Variants in SYCP2L observed in about 807,000 individuals in gnomAD.
The protein encoded by SYCP2L is synaptonemal complex protein 2-like.
Under a neutral mutation model 125.8 loss-of-function variants are expected in SYCP2L, and 98 were observed. That is an observed-to-expected ratio of 0.78 (90% confidence interval 0.66 to 0.92). The LOEUF (loss-of-function observed/expected upper bound fraction) is 0.92, where lower values mean the gene tolerates loss of function less well. Among genes scored for constraint, SYCP2L ranks in the 40% least tolerant of loss-of-function variants. The pLI, the probability that SYCP2L is intolerant of heterozygous loss-of-function variation, is 0.00. For missense variants in SYCP2L, 842 were observed against 936.4 expected (o/e 0.90, Z 1.32); for synonymous variants, 317 against 325.4 (o/e 0.97, Z 0.28).
Position 10,924,551 on chromosome 6 carries a change from C to G in SYCP2L, c.1128C>G (p.Ser376Arg), listed in dbSNP as rs1249931874. 9.4e-6 allele frequency: 15 copies of G among 1,601,764 alleles called. No homozygotes were observed. The highest frequency in any genetic ancestry group is 1.3e-5 in the Non-Finnish European group (15 of 1,176,532). Reference protein sequence around the residue: ...IIYLKKPMIISYKEVMKIEIH... With the variant: ...IIYLKKPMIIRYKEVMKIEIH... ...ACCTGAAGAAGCCCATGATTATCAG[C>G]TACAAAGAAGTCATGAAAATAGAAA... The change falls in exon 15 of 30, where the codon AGC (serine) becomes AGG (arginine). Residue 376 changes from serine to arginine, a missense_variant. By Grantham distance (110) the Ser-to-Arg change is moderately radical. Coordinates refer to ENST00000283141, the MANE Select transcript of SYCP2L (RefSeq NM_001040274.3).
In SYCP2L at chr6:10,927,146, G is replaced by T. The variant is rs897652352; in HGVS notation, c.1313-94G>T. ...AATTACCAGGTCTTACCAAAGGATGGAGAGGTACCAGAGGGGACATCCCAT... is the reference window on the plus strand; with the variant it reads ...AATTACCAGGTCTTACCAAAGGATGTAGAGGTACCAGAGGGGACATCCCAT... On this transcript the variant is annotated intron_variant, in intron 16 of 29. Coordinates refer to ENST00000283141, the MANE Select transcript of SYCP2L (RefSeq NM_001040274.3). 15 of 1,536,172 alleles carry T rather than the reference G, an allele frequency of 9.8e-6. No individual in the cohort carries two copies. The Admixed American group carries it at 1.8e-4, about 18-fold the overall frequency.
chr6:10,935,545 C>T (rs1025716162), intron 21 of SYCP2L, among the ~76,000 whole-genome samples: 2 of 151,732 alleles, frequency 1.3e-5, no homozygotes, highest in African/African-American at 2.4e-5. Context: ...TTTTTTTTGA[C>T]ACGGAGTCTT....
chr6:10,961,815 C>T (rs1781599002), intron 28 of SYCP2L, among the ~76,000 whole-genome samples: 1 of 151,990 alleles, frequency 6.6e-6, no homozygotes, highest in Non-Finnish European at 1.5e-5. Context: ...TATTTTTAAG[C>T]AGTATTTTTT....
chr6:10,890,061 G>GAA (rs1780148773), intron 1 of SYCP2L, among the ~76,000 whole-genome samples: 1 of 152,146 alleles, frequency 6.6e-6, no homozygotes, highest in Non-Finnish European at 1.5e-5. Flanking sequence ...TTTTCTGGCT[G>GAA]AAAAGTATTC....
intron 27 of SYCP2L, 23 bp downstream of exon 27, chr6:10,961,427 A>AT (rs767960351): frequency 1.9e-6 from 3 of 1,613,578 alleles, no homozygotes; most frequent in African/African-American, 1.3e-5. Context: ...TGTGTGGAAC[A>AT]TTTTCTGACT....
rs761667285 is a variant in SYCP2L, at chr6:10,902,686, A to T, written c.476A>T (p.Gln159Leu). Residue 159 changes from glutamine (Q) to leucine (L), a missense_variant, in exon 7 of 30, where the codon CAG becomes CTG. Gln to Leu is a moderately radical substitution (Grantham distance 113). Transcript: ENST00000283141. ...ISRSSSEGKI[Q>L]MLDSFLLSLG... ...GAAATTATACTTTCAGGGAAAATTC[A>T]GATGTTGGATTCCTTCCTACTTAGC... 5 of 1,613,096 alleles carry T rather than the reference A, an allele frequency of 3.1e-6. No individual in the cohort carries two copies. Among genetic ancestry groups the T allele is most frequent in the Non-Finnish European group, 4.2e-6 (5 of 1,179,564 alleles).
chr6:10,929,499 TTAATG>T (rs1194129718), intron 18 of SYCP2L, among the ~76,000 whole-genome samples: 11 of 152,214 alleles, frequency 7.2e-5, no homozygotes, highest in African/African-American at 2.4e-4. Flanking sequence ...TTTATGAAAA[TTAATG>T]TAAGAACAGA....
intron 23 of SYCP2L, among the ~76,000 whole-genome samples, chr6:10,953,352 A>C (rs187416638): frequency 6.1e-4 from 93 of 152,318 alleles, no homozygotes; most frequent in Non-Finnish European, 6.6e-4. Context: ...CTATTAATAA[A>C]GGCAGTTTCT....
Position 10,905,142 on chromosome 6 carries a change from C to CA in SYCP2L, c.642-854dup, listed in dbSNP as rs34659978. 8.3e-3 allele frequency among the ~76,000 whole-genome samples: 450 copies of CA among 54,432 alleles called. 12 individuals are homozygous for CA. The highest frequency in any genetic ancestry group is 0.017 in the East Asian group (28 of 1,660). 35.7% of individuals were successfully genotyped at this position (54,432 alleles called of 152,430 possible). A position where few individuals can be genotyped will look rare whatever the true frequency, so the allele number is the denominator to read the frequency against. ...TGGGTGACAGAGCCAGACTTGGTCT[C>CA]AAAAAAAAAAAAAAAAAAAAAAAAG... On this transcript the variant is annotated intron_variant, in intron 8 of 29. Coordinates refer to ENST00000283141, the MANE Select transcript of SYCP2L (RefSeq NM_001040274.3).
chr6:10,952,716 T>C (rs931184935), intron 23 of SYCP2L, among the ~76,000 whole-genome samples: 3 of 152,206 alleles, frequency 2.0e-5, no homozygotes, highest in African/African-American at 7.2e-5. Context: ...GACTGCGGTA[T>C]AGACACCACA....
chr6:10,905,352 G>A (rs1244087396), intron 8 of SYCP2L, among the ~76,000 whole-genome samples: 2 of 151,288 alleles, frequency 1.3e-5, no homozygotes, highest in Non-Finnish European at 2.9e-5. Flanking sequence ...GAGTGCAATG[G>A]CACGCTCTCG....
At chr6:10,967,499 TGAG>T (rs367939646) in intron 29 of SYCP2L, among the ~76,000 whole-genome samples, 1,476 of 80,390 alleles carry the variant, frequency 0.018, 22 homozygotes, top group African/African-American at 0.059. Flanking sequence ...GTGTGTGTAT[TGAG>T]GAGAAAAAAA....
At chr6:10,920,350 T>G (rs1340057096) in intron 14 of SYCP2L, among the ~76,000 whole-genome samples, 1 of 152,172 alleles carries the variant, frequency 6.6e-6, no homozygotes, top group Non-Finnish European at 1.5e-5. Flanking sequence ...CCTGAGTAGC[T>G]GGGATTACAG....
rs1267237115 is a variant in SYCP2L at position 10,954,455 on chromosome 6, G to A, written c.1955-661G>A. 2.6e-5 allele frequency among the ~76,000 whole-genome samples: 4 copies of A among 152,172 alleles called. No individual in the cohort carries two copies. The highest frequency in any genetic ancestry group is 9.7e-5 in the African/African-American group (4 of 41,448). On this transcript the variant is annotated intron_variant, in intron 23 of 29. Transcript: ENST00000283141. This position sits in a 1 kb window ranked among gnomAD's most constrained non-coding sequence, Gnocchi z 4.8. ...GCAGAACCTTGAGGATGGAGGAGAA[G>A]CGGGCAGCAAAGAAAAGGAGGAGTT...
rs1781544513 is a variant in SYCP2L, at chr6:10,958,641, T to G, written c.2164-143T>G. The G allele has an allele frequency of 9.8e-6, 7 of 716,490 alleles. No individual in the cohort carries two copies. The East Asian group carries it at 1.6e-4, about 17-fold the overall frequency. The allele number at this position is 716,490 out of a possible 1,614,324, so 44.4% of individuals were successfully genotyped here. A position where few individuals can be genotyped will look rare whatever the true frequency, so the allele number is the denominator to read the frequency against. ...GGTAATACCTGACAGGTGTATAGGA[T>G]GATGCCTGATCACACTTGCTTAGCA... On this transcript the variant is annotated intron_variant, in intron 25 of 29. Transcript: ENST00000283141.
At chr6:10,900,796 A>G (rs1028268287) in intron 6 of SYCP2L, among the ~76,000 whole-genome samples, 7 of 152,214 alleles carry the variant, frequency 4.6e-5, no homozygotes, top group African/African-American at 1.7e-4. Flanking sequence ...GGGGGGGGAC[A>G]CAGTCCCATC....
intron 29 of SYCP2L, among the ~76,000 whole-genome samples, chr6:10,968,621 C>G (rs1428025104): frequency 1.3e-5 from 2 of 152,102 alleles, no homozygotes; most frequent in Non-Finnish European, 2.9e-5. Context: ...CCAGAAGAGG[C>G]TGAGGATATT....
At chr6:10,930,320 G>A (rs200639625) in intron 18 of SYCP2L, 50 bp from the exon 19 acceptor site, 1 of 1,571,350 alleles carries the variant, frequency 6.4e-7, no homozygotes, top group Non-Finnish European at 8.6e-7. Flanking sequence ...TTATACATAA[G>A]AGGCACTAAC....
At chr6:10,942,628 T>C (rs200953050) in intron 22 of SYCP2L, 49 bp from the exon 23 acceptor site, 1,059 of 1,605,754 alleles carry the variant, frequency 6.6e-4, no homozygotes, top group Non-Finnish European at 8.8e-4. Flanking sequence ...ACCACTTGTT[T>C]CTTGCTTTGC....
Sources: allele counts gnomAD v4.1 joint callset (sites outside exome capture counted in the v4.1 genomes callset), GRCh38; gene constraint gnomAD v4.1.1; non-coding constraint Gnocchi (gnomAD v3.1); transcripts MANE v1.5; gene names NCBI Gene and HGNC (gene_info 2026-07-23, HGNC 2026-07-21).